Variants in FNBP1L observed in about 807,000 individuals in gnomAD.
FNBP1L encodes the protein formin binding protein 1 like.
In FNBP1L, 36 loss-of-function variants were observed where a neutral mutation model predicts 91.2. That is an observed-to-expected ratio of 0.39 (90% CI 0.30 to 0.52). FNBP1L has a LOEUF of 0.52. Among genes scored for constraint, FNBP1L ranks in the 20% least tolerant of loss-of-function variants. The pLI, the probability that FNBP1L is intolerant of heterozygous loss-of-function variation, is 0.66. For missense variants in FNBP1L, 571 were observed against 732.1 expected (o/e 0.78, Z 2.54); for synonymous variants, 242 against 237.0 (o/e 1.02, Z -0.19).
chr1:93,552,193 A>G, intron 16 of FNBP1L: 1 of 1,342,214 alleles, frequency 7.5e-7, no homozygotes, highest in South Asian at 2.2e-5. Flanking sequence ...TGGTTGTGTG[A>G]CCACACCCTG....
At chr1:93,508,196 A>G (rs986517033) in intron 2 of FNBP1L, among the ~76,000 whole-genome samples, 1 of 151,598 alleles carries the variant, frequency 6.6e-6, no homozygotes, top group African/African-American at 2.4e-5. Flanking sequence ...AAAAAGACAA[A>G]AAAATTAGCC....
intron 5 of FNBP1L, among the ~76,000 whole-genome samples, chr1:93,524,944 G>A (rs1671448328): frequency 6.6e-6 from 1 of 151,732 alleles, no homozygotes; most frequent in African/African-American, 2.4e-5. Context: ...TTTCCCCAAG[G>A]CACTTGCTCA....
chr1:93,501,962 CT>C (rs1478397269), intron 2 of FNBP1L, among the ~76,000 whole-genome samples: 1 of 151,722 alleles, frequency 6.6e-6, no homozygotes, highest in Non-Finnish European at 1.5e-5. Flanking sequence ...AAAAAAGTTT[CT>C]GGTTGTAAAA....
chr1:93,515,089 C>G (rs1448873640), intron 2 of FNBP1L, among the ~76,000 whole-genome samples: 1 of 152,186 alleles, frequency 6.6e-6, no homozygotes, highest in Non-Finnish European at 1.5e-5. Flanking sequence ...ACAACCCCAT[C>G]AAAAAGTGGG....
At chr1:93,454,621 C>T (rs966032399) in intron 1 of FNBP1L, among the ~76,000 whole-genome samples, 4 of 151,942 alleles carry the variant, frequency 2.6e-5, no homozygotes, top group Non-Finnish European at 5.9e-5. Context: ...TACTACAGCT[C>T]GTTTATATTG....
intron 12 of FNBP1L, 64 bp downstream of exon 12, chr1:93,544,280 A>C (rs1672143864): frequency 9.1e-7 from 1 of 1,095,070 alleles, no homozygotes; most frequent in African/African-American, 1.6e-5. Context: ...TGACGCCCTT[A>C]AATGTGATAT....
intron 1 of FNBP1L, among the ~76,000 whole-genome samples, chr1:93,492,808 T>C (rs573576661): frequency 6.6e-6 from 1 of 151,864 alleles, no homozygotes; most frequent in South Asian, 2.1e-4. Context: ...AAATAAAATA[T>C]AAAAAAGAAA....
chr1:93,545,999 C>T (rs530663707), intron 12 of FNBP1L, among the ~76,000 whole-genome samples: 3 of 151,906 alleles, frequency 2.0e-5, no homozygotes, highest in Non-Finnish European at 4.4e-5. Context: ...AGATATGAAT[C>T]TAGAATTCAG....
intron 2 of FNBP1L, among the ~76,000 whole-genome samples, chr1:93,515,967 C>T (rs1413195377): frequency 6.6e-6 from 1 of 151,942 alleles, no homozygotes. Flanking sequence ...ACCTATTATC[C>T]TCTATGAGTC....
chr1:93,497,312 A>T (rs1013766022), intron 1 of FNBP1L, among the ~76,000 whole-genome samples: 7 of 152,208 alleles, frequency 4.6e-5, no homozygotes, highest in Admixed American at 1.3e-4. Flanking sequence ...GATTTAGTTT[A>T]GTTTACAAAA....
Position 93,503,131 on chromosome 1 carries a change from G to T in FNBP1L, c.140+3548G>T, listed in dbSNP as rs148368046. ...TCACGCTGCTAATAAAGACATACCT[G>T]AGACTGGGTAATTTATAAGGGAAAG... On this transcript the variant is annotated intron_variant, in intron 2 of 16. Transcript: ENST00000271234. Among the ~76,000 whole-genome samples the T allele has an allele frequency of 6.5e-3, 985 of 152,126 alleles. 26 individuals are homozygous for T. The East Asian group carries it at 0.092, about 14-fold the overall frequency.
intron 1 of FNBP1L, among the ~76,000 whole-genome samples, chr1:93,453,484 A>G (rs1392785077): frequency 2.6e-5 from 4 of 152,122 alleles, no homozygotes; most frequent in African/African-American, 9.7e-5. Context: ...TGGAAACTTT[A>G]AAAAAACCTA....
intron 1 of FNBP1L, among the ~76,000 whole-genome samples, chr1:93,483,117 G>A (rs1445640414): frequency 1.4e-5 from 2 of 146,666 alleles, no homozygotes; most frequent in South Asian, 2.2e-4. Context: ...AGCCCAGAAA[G>A]GTGGTGATGC....
rs1434830750 is a variant in FNBP1L at position 93,524,299 on chromosome 1, C to A, written c.381C>A (p.Asp127Glu). The stretch of plus-strand genomic sequence containing the variant: ...GACGAAAAGCTCAACAATATCTTGA[C>A]ATGTGCTGGAAACAGATGGATAATG... ...QEGRKAQQYL[D>E]MCWKQMDNSK... The change falls in exon 5 of 17, where the codon GAC (aspartate) becomes GAA (glutamate). Residue 127 changes from aspartate to glutamate, a missense_variant. Physicochemically the swap from Asp to Glu is conservative, Grantham distance 45 (BLOSUM62 2). Coordinates refer to ENST00000271234, the MANE Select transcript of FNBP1L (RefSeq NM_001164473.3). The A allele has an allele frequency of 1.3e-6, 2 of 1,511,900 alleles. No individual in the cohort carries two copies. Among genetic ancestry groups the A allele is most frequent in the Non-Finnish European group, 1.8e-6 (2 of 1,128,198 alleles). 93.7% of individuals were successfully genotyped at this position (1,511,900 alleles called of 1,614,324 possible). A position where few individuals can be genotyped will look rare whatever the true frequency, so the allele number is the denominator to read the frequency against.
chr1:93,466,850 C>T (rs1669097351), intron 1 of FNBP1L, among the ~76,000 whole-genome samples: 1 of 152,060 alleles, frequency 6.6e-6, no homozygotes, highest in African/African-American at 2.4e-5. Flanking sequence ...AATATTCTTC[C>T]ATTTGTTTGT....
At chr1:93,485,289 T>C (rs1017201307) in intron 1 of FNBP1L, among the ~76,000 whole-genome samples, 1 of 152,178 alleles carries the variant, frequency 6.6e-6, no homozygotes, top group African/African-American at 2.4e-5. Context: ...ACAACAGATA[T>C]GCTCTGATAG....
At chr1:93,483,190 GAAAA>G (rs76428254) in intron 1 of FNBP1L, among the ~76,000 whole-genome samples, 6 of 80,820 alleles carry the variant, frequency 7.4e-5, no homozygotes, top group African/African-American at 9.1e-5. Context: ...ACCCTGTCTC[GAAAA>G]AAAAAAAAAA....
intron 16 of FNBP1L, chr1:93,551,446 GCT>G (rs1672413082): frequency 1.0e-6 from 1 of 1,000,528 alleles, no homozygotes; most frequent in African/African-American, 1.7e-5. Context: ...GGATAGTAAT[GCT>G]CTCTGCCCCC....
At chr1:93,538,174 G>A (rs571364644) in intron 10 of FNBP1L, among the ~76,000 whole-genome samples, 12 of 150,596 alleles carry the variant, frequency 8.0e-5, no homozygotes, top group Admixed American at 3.3e-4. Flanking sequence ...ATAGAGATGC[G>A]AGGTAAGTGT....
Sources: gnomAD v4.1 joint callset for allele counts (sites outside exome capture counted in the v4.1 genomes callset) on GRCh38, gnomAD v4.1.1 for gene constraint, MANE v1.5 for transcripts, NCBI Gene and HGNC (gene_info 2026-07-23, HGNC 2026-07-21) for gene names.